Variants in IL1RAPL2 observed in about 807,000 individuals in gnomAD.
The protein encoded by IL1RAPL2 is X-linked interleukin-1 receptor accessory protein-like 2.
Under a neutral mutation model 44.1 loss-of-function variants are expected in IL1RAPL2, and 3 were observed. The ratio of observed to expected loss-of-function variants is 0.07; its 90% CI spans 0.03 to 0.18. The LOEUF is 0.18. Ranked by LOEUF, IL1RAPL2 falls within the 10% of genes least tolerant of loss-of-function variation. The pLI is 1.00. For synonymous variants in IL1RAPL2, 181 were observed against 178.8 expected, an observed-to-expected ratio of 1.01 and a Z score of -0.10; for missense variants, 391 against 496.4, an observed-to-expected ratio of 0.79 and a Z score of 2.02.
intron 6 of IL1RAPL2, among the ~76,000 whole-genome samples, chrX:105,677,067 TAA>T (rs778756541): frequency 1.1e-4 from 12 of 112,206 alleles, no homozygotes; most frequent in Non-Finnish European, 2.3e-4. Context: ...TTTTGTTTAT[TAA>T]AAGTGTTTAT....
chrX:104,822,263 T>C (rs1921324676), intron 2 of IL1RAPL2, among the ~76,000 whole-genome samples: 1 of 112,118 alleles, frequency 8.9e-6, no homozygotes, highest in South Asian at 3.7e-4. Flanking sequence ...TTAGATCCCA[T>C]TTGTCAATTT....
intron 5 of IL1RAPL2, among the ~76,000 whole-genome samples, chrX:105,480,432 A>G (rs1195989585): frequency 8.9e-6 from 1 of 112,270 alleles, no homozygotes; most frequent in Non-Finnish European, 1.9e-5. Context: ...GTCATGGTAT[A>G]CACAGTAGAG....
chrX:104,896,798 C>T (rs1356597523), intron 2 of IL1RAPL2, among the ~76,000 whole-genome samples: 1 of 111,419 alleles, frequency 9.0e-6, no homozygotes, highest in South Asian at 3.8e-4. Context: ...GTCCACACTA[C>T]CTTTATGAGC....
intron 5 of IL1RAPL2, among the ~76,000 whole-genome samples, chrX:105,315,855 G>A: frequency 9.3e-6 from 1 of 107,200 alleles, no homozygotes. Context: ...CCTAGCCCCT[G>A]GCAACCATTA....
At chrX:104,838,341 A>AT (rs1312841264) in intron 2 of IL1RAPL2, among the ~76,000 whole-genome samples, 1 of 111,270 alleles carries the variant, frequency 9.0e-6, no homozygotes, top group African/African-American at 3.3e-5. Flanking sequence ...CACGATATTG[A>AT]TTTTTCCTAT....
intron 6 of IL1RAPL2, among the ~76,000 whole-genome samples, chrX:105,675,680 G>T (rs938709345): frequency 9.0e-6 from 1 of 111,700 alleles, no homozygotes; most frequent in African/African-American, 3.3e-5. Flanking sequence ...CTCATAGAAT[G>T]AGTTAGGGAG....
intron 6 of IL1RAPL2, among the ~76,000 whole-genome samples, chrX:105,550,112 A>T (rs1163793716): frequency 9.0e-6 from 1 of 111,711 alleles, no homozygotes; most frequent in African/African-American, 3.3e-5. Flanking sequence ...TTTCCAGGAG[A>T]TAGGACCCGA....
chrX:105,609,529 GT>G (rs1046064377), intron 6 of IL1RAPL2, among the ~76,000 whole-genome samples: 2 of 111,746 alleles, frequency 1.8e-5, no homozygotes, highest in Non-Finnish European at 3.8e-5. Flanking sequence ...TCTTTGTTAA[GT>G]TTTAGTTTTT....
At chrX:104,961,156 C>A (rs745973214) in intron 2 of IL1RAPL2, among the ~76,000 whole-genome samples, 1 of 111,369 alleles carries the variant, frequency 9.0e-6, no homozygotes, top group East Asian at 2.8e-4. Flanking sequence ...TCTCTCACAC[C>A]TACTATAGTA....
intron 2 of IL1RAPL2, among the ~76,000 whole-genome samples, chrX:104,896,738 C>T (rs183271771): frequency 1.6e-3 from 176 of 111,519 alleles, no homozygotes; most frequent in Admixed American, 2.7e-3. Flanking sequence ...GCTGTGGAAG[C>T]TTTGTTCTTT....
At chrX:104,826,335 A>C (rs993156499) in intron 2 of IL1RAPL2, among the ~76,000 whole-genome samples, 1 of 111,587 alleles carries the variant, frequency 9.0e-6, no homozygotes, top group Non-Finnish European at 1.9e-5. Flanking sequence ...TTGGTTTCAA[A>C]GAACTTATTT....
chrX:104,790,839 T>G (rs1325337588), intron 2 of IL1RAPL2, among the ~76,000 whole-genome samples: 2 of 111,808 alleles, frequency 1.8e-5, no homozygotes, highest in Non-Finnish European at 3.8e-5. Context: ...TAGGAACTTG[T>G]GATTCCTATA....
At chrX:104,763,153 T>A (rs1337406787) in intron 2 of IL1RAPL2, among the ~76,000 whole-genome samples, 4 of 111,849 alleles carry the variant, frequency 3.6e-5, no homozygotes, top group African/African-American at 1.3e-4. Context: ...AAATCATCTC[T>A]CTCAAGTTCA....
At chrX:105,605,624 A>G (rs984025327) in intron 6 of IL1RAPL2, among the ~76,000 whole-genome samples, 3 of 111,873 alleles carry the variant, frequency 2.7e-5, no homozygotes, top group Non-Finnish European at 1.9e-5. Flanking sequence ...GAACCAGAAA[A>G]GACCCCAAAT....
At chrX:105,522,281 A>G (rs2036564983) in intron 6 of IL1RAPL2, among the ~76,000 whole-genome samples, 1 of 112,258 alleles carries the variant, frequency 8.9e-6, no homozygotes, top group African/African-American at 3.2e-5. Context: ...TAGTACTTTT[A>G]TGTATCAGCA....
chrX:105,011,511 C>T (rs1267982610), intron 2 of IL1RAPL2, among the ~76,000 whole-genome samples: 1 of 111,490 alleles, frequency 9.0e-6, no homozygotes, highest in Non-Finnish European at 1.9e-5. Context: ...TTGGCATCCA[C>T]TGTCCACTTT....
At chrX:104,603,835 A>G (rs1928938897) in intron 1 of IL1RAPL2, among the ~76,000 whole-genome samples, 2 of 112,231 alleles carry the variant, frequency 1.8e-5, no homozygotes, top group South Asian at 7.4e-4. Flanking sequence ...TATGATTGGT[A>G]TACCTGGAAG....
chrX:105,146,567 A>C (rs2033181406), intron 2 of IL1RAPL2, among the ~76,000 whole-genome samples: 1 of 111,817 alleles, frequency 8.9e-6, no homozygotes, highest in Admixed American at 9.6e-5. Flanking sequence ...TTATTGAGAT[A>C]TAATCCACAT....
intron 6 of IL1RAPL2, among the ~76,000 whole-genome samples, chrX:105,680,693 A>AAAT (rs1481861589): frequency 4.5e-5 from 5 of 112,283 alleles, no homozygotes; most frequent in African/African-American, 1.6e-4. Flanking sequence ...TATCATTTAT[A>AAAT]AATATTTCAT....
Sources: gnomAD v4.1 joint callset for allele counts (sites outside exome capture counted in the v4.1 genomes callset) on GRCh38, gnomAD v4.1.1 for gene constraint, MANE v1.5 for transcripts, NCBI Gene and HGNC (gene_info 2026-07-23, HGNC 2026-07-21) for gene names.